Variants in SNX29 observed in about 807,000 individuals in gnomAD.
The protein encoded by SNX29 is sorting nexin 29.
In SNX29, 78 loss-of-function variants were observed where a neutral mutation model predicts 102.1. That is an observed-to-expected ratio of 0.76 (90% CI 0.64 to 0.92). The LOEUF is 0.92. Ranked by LOEUF, SNX29 falls within the 40% of genes least tolerant of loss-of-function variation. SNX29 has a pLI of 0.00. For synonymous variants in SNX29, 580 were observed against 414.5 expected (o/e 1.40, Z -4.85); for missense variants, 1,280 against 1,061.7 (o/e 1.21, Z -2.86).
chr16:12,201,390 CT>C (rs1342355603), intron 14 of SNX29, among the ~76,000 whole-genome samples: 5 of 152,202 alleles, frequency 3.3e-5, no homozygotes, highest in African/African-American at 1.2e-4. Context: ...CCTTTACAGC[CT>C]TTCCAAGCAA....
chr16:12,368,419 G>A (rs1340845856), intron 16 of SNX29, among the ~76,000 whole-genome samples: 2 of 152,238 alleles, frequency 1.3e-5, no homozygotes, highest in Non-Finnish European at 2.9e-5. Flanking sequence ...TGTGAGTCAA[G>A]AGAGGCATTT....
intron 18 of SNX29, among the ~76,000 whole-genome samples, chr16:12,476,767 C>T (rs374911202): frequency 4.0e-5 from 6 of 151,894 alleles, no homozygotes; most frequent in African/African-American, 1.5e-4. Context: ...ATTCTATGGT[C>T]GCCATACTAG....
At chr16:12,148,063 G>A (rs1334904506) in intron 13 of SNX29, among the ~76,000 whole-genome samples, 1 of 152,198 alleles carries the variant, frequency 6.6e-6, no homozygotes. Context: ...AGATGTGTGA[G>A]ACTCGTACCT....
chr16:12,079,962 G>A (rs2051783741), intron 11 of SNX29, among the ~76,000 whole-genome samples: 1 of 152,170 alleles, frequency 6.6e-6, no homozygotes, highest in Non-Finnish European at 1.5e-5. Flanking sequence ...GTGAAATATA[G>A]TATTTTCTTC....
chr16:12,172,687 T>A (rs1453673300), intron 13 of SNX29, among the ~76,000 whole-genome samples: 1 of 152,192 alleles, frequency 6.6e-6, no homozygotes, highest in East Asian at 1.9e-4. Flanking sequence ...GTCATTAACA[T>A]GATATTATGA....
rs2079146083 is a variant in SNX29 at position 12,569,742 on chromosome 16, C to T, written c.*1113C>T. 4 of 230,572 alleles carry T rather than the reference C, an allele frequency of 1.7e-5. No individual in the cohort carries two copies. The highest frequency in any genetic ancestry group is 3.6e-4 in the South Asian group (2 of 5,504). 14.3% of individuals were successfully genotyped at this position (230,572 alleles called of 1,614,324 possible). ...AGCAGCTGGGCAGCCCCCAGGGCTCCTCCTCCAGTGAGCTCACATCAGAGC... is the reference window on the plus strand; with the variant it reads ...AGCAGCTGGGCAGCCCCCAGGGCTCTTCCTCCAGTGAGCTCACATCAGAGC... On this transcript the variant is annotated 3_prime_UTR_variant, in exon 21 of 21. Transcript: ENST00000566228.
chr16:12,409,883 C>A (rs865831982), intron 18 of SNX29, among the ~76,000 whole-genome samples: 1 of 152,198 alleles, frequency 6.6e-6, no homozygotes, highest in African/African-American at 2.4e-5. Context: ...TTGCGTCTAG[C>A]GACCACAAAT....
At position 12,572,405 on chromosome 16, in the gene SNX29, G is replaced by C. The variant is rs546580330; in HGVS notation, c.*3776G>C. 5 of 1,063,418 alleles carry C rather than the reference G, an allele frequency of 4.7e-6. No homozygotes were observed. Among genetic ancestry groups the C allele is most frequent in the South Asian group, 9.1e-5 (2 of 21,988 alleles). The allele number at this position is 1,063,418 out of a possible 1,614,324, so 65.9% of individuals were successfully genotyped here. A position where few individuals can be genotyped will look rare whatever the true frequency, so the allele number is the denominator to read the frequency against. On this transcript the variant is annotated 3_prime_UTR_variant, in exon 21 of 21. Transcript: ENST00000566228. ...TTATATCCCAACAGCCTGAGGCAGG[G>C]CTCTGTGGCCCAGGCCGGCAGTGGC...
chr16:12,570,611 T>TG lies in SNX29; in HGVS notation c.*1983dup, dbSNP rs1567228846. 4.3e-6 allele frequency: 1 copy of TG among 232,012 alleles called. No individual in the cohort carries two copies. The highest frequency in any genetic ancestry group is 2.2e-5 in the African/African-American group (1 of 45,272). The allele number at this position is 232,012 out of a possible 1,614,324, so 14.4% of individuals were successfully genotyped here. ...GTAGCTACCCTGGAGGTCATCTCCC[T>TG]GTTCTCTGTTGGATAAAGGAACCTC... is the stretch of plus-strand genomic sequence containing the variant. On this transcript the variant is annotated 3_prime_UTR_variant, in exon 21 of 21. Coordinates refer to ENST00000566228, the MANE Select transcript of SNX29 (RefSeq NM_032167.5).
intron 4 of SNX29, among the ~76,000 whole-genome samples, chr16:12,031,044 G>A (rs1295605778): frequency 6.6e-6 from 1 of 151,912 alleles, no homozygotes; most frequent in Non-Finnish European, 1.5e-5. Flanking sequence ...TTTGCTTGGT[G>A]CCTCTCAGTA....
rs1325376334 is a variant in SNX29 at position 12,013,541 on chromosome 16, A to ATATATATATATATATATATG, written c.122+10499_122+10500insATATATATATATATATATGT. On this transcript the variant is annotated intron_variant, in intron 3 of 20. Coordinates refer to ENST00000566228, the MANE Select transcript of SNX29 (RefSeq NM_032167.5). ...TATATATATATATATATATATATAT[A>ATATATATATATATATATATG]TCGAGAGAGGAGAAAAGGGTGGTCT... Among the ~76,000 whole-genome samples, 6 of 119,224 alleles carry ATATATATATATATATATATG rather than the reference A, an allele frequency of 5.0e-5. No homozygotes were observed. The East Asian group carries it at 9.5e-4, about 19-fold the overall frequency. 78.2% of individuals were successfully genotyped at this position (119,224 alleles called of 152,430 possible).
intron 13 of SNX29, among the ~76,000 whole-genome samples, chr16:12,151,184 C>T (rs571134003): frequency 2.6e-5 from 4 of 152,184 alleles, no homozygotes; most frequent in African/African-American, 4.8e-5. Flanking sequence ...GAGCCTGTTA[C>T]ACTCTCTGCT....
Position 12,572,464 on chromosome 16 carries a change from A to T in SNX29, c.*3835A>T, listed in dbSNP as rs1321013970. The T allele has an allele frequency of 1.1e-5, 12 of 1,063,568 alleles. No homozygotes were observed. Among genetic ancestry groups the T allele is most frequent in the Non-Finnish European group, 1.3e-5 (11 of 878,194 alleles). 65.9% of individuals were successfully genotyped at this position (1,063,568 alleles called of 1,614,324 possible). ...TTGGTTCTGCATGGTACATTTTGCC[A>T]ACCCTGAGGACCAGTTCTTGGGGTT... On this transcript the variant is annotated 3_prime_UTR_variant, in exon 21 of 21. Coordinates refer to ENST00000566228, the MANE Select transcript of SNX29 (RefSeq NM_032167.5).
chr16:12,380,607 ACCAT>A (rs1351443471), intron 16 of SNX29, among the ~76,000 whole-genome samples: 10 of 94,630 alleles, frequency 1.1e-4, no homozygotes, highest in South Asian at 3.9e-4. Context: ...CCACCCATCC[ACCAT>A]CCATCCATCC....
chr16:12,244,028 G>A (rs190273190), intron 14 of SNX29, among the ~76,000 whole-genome samples: 14 of 152,204 alleles, frequency 9.2e-5, no homozygotes, highest in Non-Finnish European at 1.8e-4. Context: ...AGATCATCAG[G>A]CATTAGATTT....
intron 16 of SNX29, among the ~76,000 whole-genome samples, chr16:12,365,006 C>T (rs1209577418): frequency 6.6e-6 from 1 of 152,018 alleles, no homozygotes; most frequent in Non-Finnish European, 1.5e-5. Context: ...TTATAATTTT[C>T]TTATTAGGCC....
At chr16:12,507,172 C>G (rs2089416492) in intron 19 of SNX29, among the ~76,000 whole-genome samples, 1 of 152,194 alleles carries the variant, frequency 6.6e-6, no homozygotes, top group African/African-American at 2.4e-5. Context: ...GGCTGTAGAC[C>G]TGGTAAGTGG....
intron 15 of SNX29, among the ~76,000 whole-genome samples, chr16:12,280,280 C>T (rs1316091465): frequency 6.6e-6 from 1 of 152,212 alleles, no homozygotes; most frequent in African/African-American, 2.4e-5. Flanking sequence ...GATGCTGTGG[C>T]TGTGTCCTGG....
intron 15 of SNX29, among the ~76,000 whole-genome samples, chr16:12,292,257 G>T (rs936973264): frequency 6.6e-6 from 1 of 152,214 alleles, no homozygotes; most frequent in African/African-American, 2.4e-5. Flanking sequence ...GAGTGAGACA[G>T]AGGCAAGACG....
Sources: allele counts gnomAD v4.1 joint callset (sites outside exome capture counted in the v4.1 genomes callset), GRCh38; gene constraint gnomAD v4.1.1; transcripts MANE v1.5; gene names NCBI Gene and HGNC (gene_info 2026-07-23, HGNC 2026-07-21).